CDH4: variants seen among roughly 807,000 people sequenced by gnomAD.
CDH4 encodes the protein cadherin 4, also known as cadherin-4.
Under a neutral mutation model 86.0 loss-of-function variants are expected in CDH4, and 33 were observed. The observed-to-expected ratio is 0.38, with a 90% CI of 0.29 to 0.51. The LOEUF is 0.51. Among genes scored for constraint, CDH4 ranks in the 20% least tolerant of loss-of-function variants. The pLI is 0.86. For missense variants in CDH4, 1,114 were observed against 1,307.4 expected (o/e 0.85, Z 2.28); for synonymous variants, 555 against 549.4 (o/e 1.01, Z -0.14).
chr20:61,366,433 A>G (rs1338774919), intron 2 of CDH4, among the ~76,000 whole-genome samples: 1 of 152,196 alleles, frequency 6.6e-6, no homozygotes, highest in East Asian at 1.9e-4. Context: ...TTAAAGACAC[A>G]CACACAGAAA....
chr20:61,852,989 C>G, intron 6 of CDH4, 91 bp downstream of exon 6: 3 of 1,365,214 alleles, frequency 2.2e-6, no homozygotes, highest in Non-Finnish European at 3.0e-6. Context: ...GCTTAGTCCC[C>G]GCTACCAGGA....
intron 2 of CDH4, among the ~76,000 whole-genome samples, chr20:61,552,727 AAAAC>A (rs917546280): frequency 1.2e-4 from 19 of 152,162 alleles, no homozygotes; most frequent in Non-Finnish European, 1.9e-4. Context: ...GAAAAAAACA[AAAAC>A]AAAAGAGTGA....
chr20:61,290,500 A>G (rs374541542), intron 2 of CDH4, among the ~76,000 whole-genome samples: 11 of 146,152 alleles, frequency 7.5e-5, no homozygotes, highest in African/African-American at 2.3e-4. Context: ...ATTTATCCCC[A>G]TATCCAATGA....
At chr20:61,767,055 TGA>T (rs1316819906) in intron 3 of CDH4, among the ~76,000 whole-genome samples, 1 of 152,214 alleles carries the variant, frequency 6.6e-6, no homozygotes, top group Non-Finnish European at 1.5e-5. Flanking sequence ...CTTCATCCCT[TGA>T]GCTTGATGTC....
chr20:61,317,754 A>G (rs1210699555), intron 2 of CDH4, among the ~76,000 whole-genome samples: 2 of 151,912 alleles, frequency 1.3e-5, no homozygotes, highest in Admixed American at 1.3e-4. Flanking sequence ...CATGCCCGAG[A>G]CCCCCACGGT....
chr20:61,717,883 G>A (rs2087981899), intron 2 of CDH4: 1 of 152,366 alleles, frequency 6.6e-6, no homozygotes. Flanking sequence ...CTAGTTTAGT[G>A]GAAGGGACTG....
At chr20:61,731,848 C>T (rs543514300) in intron 2 of CDH4, among the ~76,000 whole-genome samples, 4 of 152,306 alleles carry the variant, frequency 2.6e-5, no homozygotes, top group Non-Finnish European at 5.9e-5. Flanking sequence ...GACTCGGGGG[C>T]TGCACAGCCT....
intron 2 of CDH4, among the ~76,000 whole-genome samples, chr20:61,615,398 A>T (rs1016539763): frequency 2.0e-5 from 3 of 152,208 alleles, no homozygotes; most frequent in African/African-American, 7.2e-5. Flanking sequence ...CTGGGATGAC[A>T]GGCATGAGCC....
chr20:61,557,907 G>A (rs77453545), intron 2 of CDH4, among the ~76,000 whole-genome samples: 3 of 152,030 alleles, frequency 2.0e-5, no homozygotes, highest in East Asian at 1.9e-4. Flanking sequence ...GTGCACCGTC[G>A]CTGAATGAAT....
At chr20:61,358,759 G>T (rs572292540) in intron 2 of CDH4, among the ~76,000 whole-genome samples, 2 of 152,286 alleles carry the variant, frequency 1.3e-5, no homozygotes, top group Admixed American at 1.3e-4. Context: ...CCCGGCCAGG[G>T]TCTCAGACAG....
In CDH4 at chr20:61,938,458, T is replaced by TCTTTC. The variant is rs2055223102; in HGVS notation, c.*1515_*1516insCTTTC. ...GGCCCCACGTGGGGAAGCCTCGTGC[T>TCTTTC]TGGTCAGCTTTCTGTCTCTCCCAGG... On this transcript the variant is annotated 3_prime_UTR_variant, in exon 16 of 16. Transcript: ENST00000614565. 6.6e-6 allele frequency: 1 copy of TCTTTC among 152,466 alleles called. No homozygotes were observed. Among genetic ancestry groups the TCTTTC allele is most frequent in the South Asian group, 2.1e-4 (1 of 4,838 alleles). The allele number at this position is 152,466 out of a possible 1,614,324, so 9.4% of individuals were successfully genotyped here. A position where few individuals can be genotyped will look rare whatever the true frequency, so the allele number is the denominator to read the frequency against.
intron 2 of CDH4, among the ~76,000 whole-genome samples, chr20:61,614,447 G>A (rs2086709729): frequency 6.6e-6 from 1 of 152,052 alleles, no homozygotes; most frequent in Non-Finnish European, 1.5e-5. Context: ...TGTGTTCTGG[G>A]AGCCATTCTA....
intron 2 of CDH4, among the ~76,000 whole-genome samples, chr20:61,495,299 A>G (rs2085652630): frequency 6.6e-6 from 1 of 152,194 alleles, no homozygotes. Flanking sequence ...GGGGGAGCCG[A>G]ACACGACGTT....
At chr20:61,317,987 TG>T (rs1252225551) in intron 2 of CDH4, among the ~76,000 whole-genome samples, 1 of 152,232 alleles carries the variant, frequency 6.6e-6, no homozygotes, top group Non-Finnish European at 1.5e-5. Flanking sequence ...CAACTGTGTT[TG>T]TTCTTAGCAA....
At position 61,322,100 on chromosome 20, in the gene CDH4, C is replaced by T. The variant is rs944984623; in HGVS notation, c.169+67163C>T. Among the ~76,000 whole-genome samples the T allele has an allele frequency of 5.9e-5, 9 of 152,220 alleles. No homozygotes were observed. The Middle Eastern group carries it at 0.01, about 173-fold the overall frequency. ...GGATACGAACCCCAGGATTCGGGTC[C>T]AGCAGTTCTTCCGGGTCCTTGTACT... On this transcript the variant is annotated intron_variant, in intron 2 of 15. Coordinates refer to ENST00000614565, the MANE Select transcript of CDH4 (RefSeq NM_001794.5).
intron 4 of CDH4, 27 bp downstream of exon 4, chr20:61,773,209 C>A (rs113453136): frequency 1.3e-6 from 2 of 1,502,346 alleles, no homozygotes; most frequent in African/African-American, 2.8e-5. Flanking sequence ...CCCGCGGGCA[C>A]GGGGGTCTCG....
chr20:61,794,765 T>C (rs948760158), intron 4 of CDH4, among the ~76,000 whole-genome samples: 1 of 152,162 alleles, frequency 6.6e-6, no homozygotes, highest in African/African-American at 2.4e-5. Flanking sequence ...GCAAAGTGCA[T>C]GATCACACAG....
chr20:61,694,705 G>A (rs949577074), intron 2 of CDH4, among the ~76,000 whole-genome samples: 11 of 152,116 alleles, frequency 7.2e-5, no homozygotes, highest in Non-Finnish European at 2.9e-5. Context: ...GGGGTGTGAG[G>A]GTACCTTAGA....
rs567800073 is a variant in CDH4 at position 61,754,544 on chromosome 20, C to A, written c.396+10755C>A. ...CCCTGGGGAGAGGAGGGATGAGGAA[C>A]GGGTGCCATTCCAAGGGCAGCAGCA... On this transcript the variant is annotated intron_variant, in intron 3 of 15. Coordinates refer to ENST00000614565, the MANE Select transcript of CDH4 (RefSeq NM_001794.5). This position sits in a 1 kb window ranked among gnomAD's most constrained non-coding sequence, Gnocchi z 4.7. Among the ~76,000 whole-genome samples, 1 of 151,698 alleles carries A rather than the reference C, an allele frequency of 6.6e-6. No individual in the cohort carries two copies. Among genetic ancestry groups the A allele is most frequent in the East Asian group, 1.9e-4 (1 of 5,174 alleles).
Sources: allele counts gnomAD v4.1 joint callset (sites outside exome capture counted in the v4.1 genomes callset), GRCh38; gene constraint gnomAD v4.1.1; non-coding constraint Gnocchi (gnomAD v3.1); transcripts MANE v1.5; gene names NCBI Gene and HGNC (gene_info 2026-07-23, HGNC 2026-07-21).